The following MTA3 variants were observed in gnomAD, a reference collection of about 807,000 sequenced individuals.
MTA3 encodes metastasis associated 1 family member 3.
A neutral mutation model predicts 83.5 loss-of-function variants in MTA3; 34 were observed. That is an observed-to-expected ratio of 0.41 (90% CI 0.31 to 0.54). The LOEUF is 0.54. Ranked by LOEUF, MTA3 falls within the 20% of genes least tolerant of loss-of-function variation. The pLI, the probability that MTA3 is intolerant of heterozygous loss-of-function variation, is 0.33. For synonymous variants in MTA3, 303 were observed against 252.7 expected (o/e 1.20, Z -1.89); for missense variants, 761 against 726.4 (o/e 1.05, Z -0.55).
chr2:42,686,195 G>C (rs1311422939), intron 9 of MTA3, among the ~76,000 whole-genome samples: 1 of 152,112 alleles, frequency 6.6e-6, no homozygotes, highest in Non-Finnish European at 1.5e-5. Context: ...ATATATTATT[G>C]TGTGTTTGTA....
chr2:42,747,855 G>A (rs569629647), intron 16 of MTA3, among the ~76,000 whole-genome samples: 3 of 151,912 alleles, frequency 2.0e-5, no homozygotes, highest in African/African-American at 7.2e-5. Context: ...TTTGAAATAT[G>A]TACACCAGGA....
intron 3 of MTA3, among the ~76,000 whole-genome samples, chr2:42,587,795 T>G (rs933717998): frequency 4.6e-5 from 7 of 152,132 alleles, no homozygotes; most frequent in African/African-American, 1.7e-4. Context: ...AGAGATGGGT[T>G]TTTGCTGTGT....
rs543346484 is a variant in MTA3, at chr2:42,699,282, G to A, written c.1025+1448G>A. 2.0e-5 allele frequency among the ~76,000 whole-genome samples: 3 copies of A among 152,242 alleles called. No homozygotes were observed. The East Asian group carries it at 5.8e-4, about 29-fold the overall frequency. ...AGTGGTGCAGTCATGGCTCACTGCA[G>A]CCTCAACCTCCTGGGCTCAAGCGAT... On this transcript the variant is annotated intron_variant, in intron 11 of 16. Transcript: ENST00000405094.
At chr2:42,741,324 C>T (rs572732580) in intron 16 of MTA3, among the ~76,000 whole-genome samples, 1 of 152,322 alleles carries the variant, frequency 6.6e-6, no homozygotes, top group East Asian at 1.9e-4. Flanking sequence ...AAGATTGTTT[C>T]ACTTTCGTAT....
chr2:42,731,012 C>G (rs563949640), intron 16 of MTA3, among the ~76,000 whole-genome samples: 12 of 152,134 alleles, frequency 7.9e-5, no homozygotes. Context: ...TTATGATAGT[C>G]TCTAATGATC....
At chr2:42,728,624 T>G (rs183695408) in intron 16 of MTA3, among the ~76,000 whole-genome samples, 1 of 152,324 alleles carries the variant, frequency 6.6e-6, no homozygotes, top group African/African-American at 2.4e-5. Flanking sequence ...CATTCCTTAT[T>G]GCCTGCCTTT....
chr2:42,603,865 C>T (rs879753608), intron 3 of MTA3, among the ~76,000 whole-genome samples: 12 of 152,074 alleles, frequency 7.9e-5, no homozygotes, highest in African/African-American at 1.2e-4. Context: ...ATTCTCCTGC[C>T]TCAGCCTCCC....
chr2:42,620,209 C>G (rs182486710), intron 4 of MTA3, among the ~76,000 whole-genome samples: 263 of 151,700 alleles, frequency 1.7e-3, no homozygotes, highest in African/African-American at 6.2e-3. Context: ...ACCTCTGCCA[C>G]CCACGTTCAA....
chr2:42,525,415 G>A (rs1572923326), intron 2 of MTA3, among the ~76,000 whole-genome samples: 1 of 151,470 alleles, frequency 6.6e-6, no homozygotes, highest in African/African-American at 2.4e-5. Flanking sequence ...GCCCAGGTTG[G>A]TCTTGCACTC....
chr2:42,686,286 C>T (rs939161847), intron 9 of MTA3, among the ~76,000 whole-genome samples: 19 of 152,122 alleles, frequency 1.2e-4, no homozygotes, highest in African/African-American at 3.9e-4. Context: ...AGCTTTATTC[C>T]GAAGCTTAAT....
At chr2:42,527,928 C>A (rs1284643116) in intron 2 of MTA3, among the ~76,000 whole-genome samples, 1 of 151,788 alleles carries the variant, frequency 6.6e-6, no homozygotes, top group Non-Finnish European at 1.5e-5. Flanking sequence ...ACTTCTTTTT[C>A]TTTTCTTTTT....
At chr2:42,503,017 A>C (rs1674469775) in intron 2 of MTA3, among the ~76,000 whole-genome samples, 1 of 152,110 alleles carries the variant, frequency 6.6e-6, no homozygotes, top group African/African-American at 2.4e-5. Flanking sequence ...GTCCTGATCC[A>C]GACCCCAAGA....
rs1689163937 is a variant in MTA3 at position 42,656,284 on chromosome 2, A to G, written c.584A>G (p.Gln195Arg). ...NSPLTDRQID[Q>R]FLVVARAVGT... The stretch of plus-strand genomic sequence containing the variant: ...CCACTTACGGATCGACAGATTGACC[A>G]GTTTTTAGTTGTAGCACGGTGAGTA... The change falls in exon 7 of 17, where the codon CAG (glutamine) becomes CGG (arginine). Residue 195 changes from glutamine (Q) to arginine (R), a missense_variant. Physicochemically the swap from Gln to Arg is conservative, Grantham distance 43. Coordinates refer to ENST00000405094, the MANE Select transcript of MTA3 (RefSeq NM_001330442.2). The G allele has an allele frequency of 5.0e-6, 8 of 1,613,426 alleles. No individual in the cohort carries two copies. The highest frequency in any genetic ancestry group is 6.8e-6 in the Non-Finnish European group (8 of 1,179,440).
At chr2:42,707,040 C>T (rs1191160657) in intron 12 of MTA3, among the ~76,000 whole-genome samples, 1 of 148,554 alleles carries the variant, frequency 6.7e-6, no homozygotes, top group African/African-American at 2.5e-5. Flanking sequence ...GGTGCAATCA[C>T]AGTGGCCTCA....
chr2:42,549,183 A>G (rs1319860954), intron 2 of MTA3, among the ~76,000 whole-genome samples: 1 of 137,050 alleles, frequency 7.3e-6, no homozygotes, highest in Non-Finnish European at 1.5e-5. Flanking sequence ...TAAAATATAT[A>G]TATAATATAT....
intron 3 of MTA3, among the ~76,000 whole-genome samples, chr2:42,602,116 C>T (rs909385326): frequency 3.3e-5 from 5 of 152,196 alleles, no homozygotes; most frequent in Non-Finnish European, 7.3e-5. Flanking sequence ...GTTGGGATTA[C>T]AGGCGTGAAC....
chr2:42,599,214 CAT>C (rs1189469731), intron 3 of MTA3, among the ~76,000 whole-genome samples: 2 of 152,136 alleles, frequency 1.3e-5, no homozygotes, highest in Admixed American at 6.6e-5. Context: ...TAAAGCTGCA[CAT>C]GTTTTCATAT....
chr2:42,524,482 T>TTTG (rs1553337449), intron 2 of MTA3, among the ~76,000 whole-genome samples: 25 of 62,474 alleles, frequency 4.0e-4, no homozygotes, highest in African/African-American at 1.3e-3. Context: ...GTTTTTTTTT[T>TTTG]TTTTTTTTTT....
At chr2:42,520,783 C>G (rs1409586823) in intron 2 of MTA3, among the ~76,000 whole-genome samples, 3 of 152,002 alleles carry the variant, frequency 2.0e-5, no homozygotes, top group Non-Finnish European at 2.9e-5. Context: ...CCGGGCTGGT[C>G]TCGAACTCCT....
Sources: gnomAD v4.1 joint callset for allele counts (sites outside exome capture counted in the v4.1 genomes callset) on GRCh38, gnomAD v4.1.1 for gene constraint, MANE v1.5 for transcripts, NCBI Gene and HGNC (gene_info 2026-07-23, HGNC 2026-07-21) for gene names.